GPR107: variants seen among roughly 807,000 people sequenced by gnomAD.
GPR107 encodes G protein-coupled receptor 107.
Under a neutral mutation model 75.5 loss-of-function variants are expected in GPR107, and 31 were observed. The observed-to-expected ratio is 0.41, with a 90% CI of 0.31 to 0.55. GPR107 has a LOEUF of 0.55. Among genes scored for constraint, GPR107 ranks in the 20% least tolerant of loss-of-function variants. The pLI is 0.26. For synonymous variants in GPR107, 267 were observed against 251.3 expected (o/e 1.06, Z -0.59); for missense variants, 572 against 665.7 (o/e 0.86, Z 1.55).
At chr9:130,071,556 A>T (rs1830212531) in intron 1 of GPR107, among the ~76,000 whole-genome samples, 2 of 151,954 alleles carry the variant, frequency 1.3e-5, no homozygotes, top group Admixed American at 1.3e-4. Context: ...TCTTAACCAC[A>T]CTGAGCTGAG....
At chr9:130,096,220 C>T (rs1830864949) in intron 9 of GPR107, among the ~76,000 whole-genome samples, 1 of 152,128 alleles carries the variant, frequency 6.6e-6, no homozygotes, top group Non-Finnish European at 1.5e-5. Flanking sequence ...ATCTCATTGG[C>T]ATTCAGTAGT....
At chr9:130,133,593 G>A (rs567066892) in intron 17 of GPR107, among the ~76,000 whole-genome samples, 1 of 152,322 alleles carries the variant, frequency 6.6e-6, no homozygotes, top group South Asian at 2.1e-4. Flanking sequence ...CTGTGCACAT[G>A]GATCCCTCCT....
At chr9:130,132,071 G>C (rs1554899161) in intron 17 of GPR107, among the ~76,000 whole-genome samples, 1 of 152,104 alleles carries the variant, frequency 6.6e-6, no homozygotes, top group Admixed American at 6.5e-5. Context: ...TTTTTGTAGA[G>C]ATAGGGTTTT....
At chr9:130,104,275 T>G (rs1831106499) in intron 12 of GPR107, 145 bp from the exon 13 acceptor site, 3 of 655,332 alleles carry the variant, frequency 4.6e-6, no homozygotes. Flanking sequence ...GTGGCAGAGT[T>G]CTGGAAGAGC....
At chr9:130,120,259 C>CAGGCTCATTTATGGAG (rs1315660019) in intron 14 of GPR107, among the ~76,000 whole-genome samples, 3 of 152,206 alleles carry the variant, frequency 2.0e-5, no homozygotes, top group Non-Finnish European at 2.9e-5. Context: ...GTGGGGCGCG[C>CAGGCTCATTTATGGAG]AGGCTCATTT....
intron 14 of GPR107, among the ~76,000 whole-genome samples, chr9:130,110,645 CCCAGAG>C (rs1294036785): frequency 3.3e-5 from 5 of 152,358 alleles, no homozygotes; most frequent in Non-Finnish European, 5.9e-5. Flanking sequence ...TTGCGACACT[CCCAGAG>C]CCAGAGCAGC....
In GPR107 at chr9:130,112,689, T is replaced by C. The variant is rs2132628583; in HGVS notation, c.1306+5150T>C. ...GGGTGTGGCCTTGAGGGAAAGTACG[T>C]GTGCACTTGTTTGAATTGCAAGCTG... On this transcript the variant is annotated intron_variant, in intron 14 of 17. Transcript: ENST00000347136. The surrounding 1 kb of genome is among the most constrained non-coding windows in gnomAD (Gnocchi z 4.0). Among the ~76,000 whole-genome samples the C allele has an allele frequency of 6.6e-6, 1 of 152,278 alleles. No individual in the cohort carries two copies. The highest frequency in any genetic ancestry group is 2.1e-4 in the South Asian group (1 of 4,828).
At position 130,140,012 on chromosome 9, in the gene GPR107, T is replaced by C. The variant is rs919417535; in HGVS notation, c.*4891T>C. On this transcript the variant is annotated 3_prime_UTR_variant, in exon 18 of 18. Coordinates refer to ENST00000347136, the MANE Select transcript of GPR107 (RefSeq NM_020960.5). The surrounding 1 kb of genome is among the most constrained non-coding windows in gnomAD (Gnocchi z 4.0). ...GTTAGAGATTGGGATGCAGAAGGAGTTTTCAGTATTTTTTTTAAAACACTA... is the reference window on the plus strand; with the variant it reads ...GTTAGAGATTGGGATGCAGAAGGAGCTTTCAGTATTTTTTTTAAAACACTA... The C allele has an allele frequency of 6.6e-6, 1 of 152,058 alleles. No homozygotes were observed. Among genetic ancestry groups the C allele is most frequent in the Middle Eastern group, 3.4e-3 (1 of 294 alleles). 9.4% of individuals were successfully genotyped at this position (152,058 alleles called of 1,614,324 possible).
intron 13 of GPR107, among the ~76,000 whole-genome samples, chr9:130,104,803 G>A (rs1831123930): frequency 6.6e-6 from 1 of 152,308 alleles, no homozygotes; most frequent in East Asian, 1.9e-4. Flanking sequence ...ACAATAGAGA[G>A]GAATTGGGAA....
At position 130,079,658 on chromosome 9, in the gene GPR107, G is replaced by A; in HGVS notation, c.415G>A (p.Gly139Ser). ...AAGAGTAAAGTCTCCACCAGAAGCT[G>A]GTACCCAGTTACCAAAGATCATCTT... is the stretch of plus-strand genomic sequence containing the variant. ...EVRVKSPPEA[G>S]TQLPKIIFSR... is the part of the protein sequence containing the mutation. Residue 139 changes from glycine to serine, a missense_variant, in exon 5 of 18, where the codon GGT (glycine) becomes AGT (serine). Transcript: ENST00000347136. 6.2e-7 allele frequency: 1 copy of A among 1,613,378 alleles called. No individual in the cohort carries two copies. Among genetic ancestry groups the A allele is most frequent in the Non-Finnish European group, 8.5e-7 (1 of 1,179,436 alleles).
intron 6 of GPR107, among the ~76,000 whole-genome samples, chr9:130,084,695 G>C (rs565831791): frequency 4.6e-5 from 7 of 151,964 alleles, no homozygotes; most frequent in African/African-American, 7.2e-5. Flanking sequence ...AGGATCACCT[G>C]AGCCTGGGAG....
chr9:130,126,191 A>G (rs1831677916), intron 15 of GPR107, among the ~76,000 whole-genome samples: 1 of 151,926 alleles, frequency 6.6e-6, no homozygotes, highest in Non-Finnish European at 1.5e-5. Flanking sequence ...AACCTAAAAC[A>G]GGACTCTGAT....
intron 5 of GPR107, among the ~76,000 whole-genome samples, chr9:130,081,027 A>T (rs1218308792): frequency 6.6e-6 from 1 of 150,760 alleles, no homozygotes; most frequent in African/African-American, 2.4e-5. Context: ...TGAGCAACAT[A>T]GCGAGGCCCT....
intron 1 of GPR107, among the ~76,000 whole-genome samples, chr9:130,069,321 G>A (rs1461757244): frequency 1.3e-5 from 2 of 152,144 alleles, no homozygotes; most frequent in East Asian, 3.9e-4. Flanking sequence ...GGTGAAACAG[G>A]CACCCTTTAC....
chr9:130,104,419 G>A lies in GPR107; in HGVS notation c.1132-1G>A. ...GCCTCAGCAACTTCTCATGTCTGTA[G>A]GTCCTGGCAAATGTAGCCTACATCA... On this transcript the variant is annotated splice_acceptor_variant, in intron 12 of 17. Transcript: ENST00000347136. LOFTEE classifies it high-confidence loss of function. 6.2e-7 allele frequency: 1 copy of A among 1,613,876 alleles called. No homozygotes were observed. Among genetic ancestry groups the A allele is most frequent in the South Asian group, 1.1e-5 (1 of 91,072 alleles).
At chr9:130,058,447 C>T (rs1829844986) in intron 1 of GPR107, among the ~76,000 whole-genome samples, 1 of 151,966 alleles carries the variant, frequency 6.6e-6, no homozygotes. Flanking sequence ...TAAGTGGAAT[C>T]ACAGGATGAG....
At chr9:130,069,943 A>G (rs578158805) in intron 1 of GPR107, among the ~76,000 whole-genome samples, 3 of 144,024 alleles carry the variant, frequency 2.1e-5, no homozygotes, top group Non-Finnish European at 4.5e-5. Context: ...TTGGCCTCCC[A>G]TCGTGCTGAG....
chr9:130,115,583 G>A (rs910576441), intron 14 of GPR107, among the ~76,000 whole-genome samples: 6 of 151,794 alleles, frequency 4.0e-5, no homozygotes, highest in African/African-American at 1.2e-4. Flanking sequence ...TGGCTAACAC[G>A]GCGAAACCCC....
chr9:130,114,612 C>A, intron 14 of GPR107: 2 of 575,002 alleles, frequency 3.5e-6, no homozygotes, highest in Non-Finnish European at 2.8e-6. Context: ...TCTTGAACTC[C>A]TGGCCTCTAG....
Sources: allele counts gnomAD v4.1 joint callset (sites outside exome capture counted in the v4.1 genomes callset), GRCh38; gene constraint gnomAD v4.1.1; non-coding constraint Gnocchi (gnomAD v3.1); transcripts MANE v1.5; gene names NCBI Gene and HGNC (gene_info 2026-07-23, HGNC 2026-07-21).